Variants in LIMCH1 observed in about 807,000 individuals in gnomAD.
LIMCH1 encodes the protein LIM and calponin homology domains 1.
Under a neutral mutation model 176.5 loss-of-function variants are expected in LIMCH1, and 113 were observed. The observed-to-expected ratio is 0.64, with a 90% confidence interval of 0.55 to 0.75. The LOEUF (loss-of-function observed/expected upper bound fraction) is 0.75. Among genes scored for constraint, LIMCH1 ranks in the 30% least tolerant of loss-of-function variants. LIMCH1 has a pLI of 0.00. For synonymous variants in LIMCH1, 619 were observed against 645.9 expected (o/e 0.96, Z 0.63); for missense variants, 1,674 against 1,814.9 (o/e 0.92, Z 1.41).
chr4:41,439,520 G>A (rs187707157), intron 1 of LIMCH1, among the ~76,000 whole-genome samples: 9 of 152,214 alleles, frequency 5.9e-5, no homozygotes, highest in Non-Finnish European at 1.3e-4. Context: ...GGAGGTCAAG[G>A]CTGCAGTGAG....
intron 1 of LIMCH1, among the ~76,000 whole-genome samples, chr4:41,581,112 G>A (rs4414991): frequency 0.073 from 9,695 of 132,910 alleles, 964 homozygotes; most frequent in African/African-American, 0.29. Flanking sequence ...CTGTCTGTCT[G>A]TCTATCTATC....
At chr4:41,480,680 C>T (rs908921039) in intron 1 of LIMCH1, among the ~76,000 whole-genome samples, 3 of 152,224 alleles carry the variant, frequency 2.0e-5, no homozygotes, top group African/African-American at 7.2e-5. Flanking sequence ...GTGGTCAAAG[C>T]ACATCTCTGC....
At chr4:41,501,481 A>C (rs997408120) in intron 2 of LIMCH1, among the ~76,000 whole-genome samples, 4 of 152,244 alleles carry the variant, frequency 2.6e-5, no homozygotes, top group African/African-American at 9.6e-5. Context: ...TCAAGAATTG[A>C]TAAGCCTTGT....
intron 1 of LIMCH1, among the ~76,000 whole-genome samples, chr4:41,367,866 T>TAAAA (rs750045066): frequency 3.3e-5 from 3 of 90,926 alleles, no homozygotes; most frequent in Non-Finnish European, 6.9e-5. Context: ...GACTCCATCA[T>TAAAA]AAAAAAAAAA....
chr4:41,441,465 A>G (rs1053397768), intron 1 of LIMCH1, among the ~76,000 whole-genome samples: 1 of 152,026 alleles, frequency 6.6e-6, no homozygotes, highest in Non-Finnish European at 1.5e-5. Context: ...TCACTTTGGT[A>G]AAGACACCAT....
chr4:41,693,583 A>G (rs1197557367), intron 31 of LIMCH1, among the ~76,000 whole-genome samples: 1 of 150,270 alleles, frequency 6.7e-6, no homozygotes, highest in African/African-American at 2.4e-5. Context: ...ATAGTATACC[A>G]TATATCATAA....
intron 1 of LIMCH1, among the ~76,000 whole-genome samples, chr4:41,449,785 A>G (rs1244954040): frequency 1.3e-5 from 2 of 152,196 alleles, no homozygotes; most frequent in East Asian, 3.9e-4. Flanking sequence ...ACTACCACCA[A>G]GTGGGTGGCT....
chr4:41,390,269 A>C lies in LIMCH1; in HGVS notation c.96+29333A>C, dbSNP rs570179251. Reference sequence around the variant, plus strand: ...GAGAGAGAGAGAGAGAGAGAGAGAGAGAGAGCGAGAGCGCTCCTCATGCTG... The same window carrying C: ...GAGAGAGAGAGAGAGAGAGAGAGAGCGAGAGCGAGAGCGCTCCTCATGCTG... On this transcript the variant is annotated intron_variant, in intron 1 of 26. Transcript: ENST00000313860. 1.9e-4 allele frequency among the ~76,000 whole-genome samples: 28 copies of C among 150,416 alleles called. No individual in the cohort carries two copies. In the East Asian group the frequency reaches 2.5e-3, roughly 14 times the overall value.
intron 21 of LIMCH1, among the ~76,000 whole-genome samples, chr4:41,667,897 C>T (rs535534186): frequency 2.6e-5 from 4 of 151,184 alleles, no homozygotes; most frequent in African/African-American, 4.9e-5. Context: ...TTTGGGAGGC[C>T]GAGGCAGGAG....
At chr4:41,501,857 CTTTTT>C (rs71198662) in intron 2 of LIMCH1, among the ~76,000 whole-genome samples, 1,110 of 74,972 alleles carry the variant, frequency 0.015, 23 homozygotes, top group African/African-American at 0.052. Context: ...GTGTAGAATC[CTTTTT>C]TTTTTTTTTT....
intron 12 of LIMCH1, among the ~76,000 whole-genome samples, 191 bp downstream of exon 12, chr4:41,633,276 T>C (rs2093420220): frequency 1.3e-5 from 2 of 152,180 alleles, no homozygotes; most frequent in South Asian, 4.1e-4. Context: ...TGGGTAGATA[T>C]TTTAGCCTTT....
chr4:41,481,239 C>T (rs1582897733), intron 1 of LIMCH1, among the ~76,000 whole-genome samples: 1 of 152,148 alleles, frequency 6.6e-6, no homozygotes, highest in African/African-American at 2.4e-5. Context: ...CCAACACAAA[C>T]TGAATAGATA....
In LIMCH1 at chr4:41,538,329, C is replaced by G; in HGVS notation, c.-262C>G. The G allele has an allele frequency of 1.0e-6, 1 of 985,214 alleles. No individual in the cohort carries two copies. The highest frequency in any genetic ancestry group is 1.2e-6 in the Non-Finnish European group (1 of 829,894). 61.0% of individuals were successfully genotyped at this position (985,214 alleles called of 1,614,324 possible). ...AGAGTGGGTTGGCTGGAGTTCATTG[C>G]GGAGCATGAGGACGTGTGGGGGTAA... is the stretch of plus-strand genomic sequence containing the variant. On this transcript the variant is annotated 5_prime_UTR_variant, in exon 1 of 32. Transcript: ENST00000503057.
chr4:41,404,408 G>T (rs1230497940), intron 1 of LIMCH1, among the ~76,000 whole-genome samples: 1 of 152,144 alleles, frequency 6.6e-6, no homozygotes, highest in Non-Finnish European at 1.5e-5. Flanking sequence ...AGTGATATCA[G>T]TAAAGGATTA....
At chr4:41,484,671 G>T (rs2069208965) in intron 1 of LIMCH1, among the ~76,000 whole-genome samples, 1 of 152,156 alleles carries the variant, frequency 6.6e-6, no homozygotes, top group African/African-American at 2.4e-5. Context: ...TGAAAAGTGT[G>T]CCTGCTTTTG....
At position 41,546,215 on chromosome 4, in the gene LIMCH1, T is replaced by C. The variant is rs1046179361; in HGVS notation, c.-241+7865T>C. Among the ~76,000 whole-genome samples, 5 of 152,226 alleles carry C rather than the reference T, an allele frequency of 3.3e-5. No homozygotes were observed. The South Asian group carries it at 1.0e-3, about 32-fold the overall frequency. ...GTGCAGTGGTGTGATCTCAGCTCAC[T>C]GCAACCTCCACCTCCCTGGTTCAAG... On this transcript the variant is annotated intron_variant, in intron 1 of 31. Transcript: ENST00000503057.
intron 2 of LIMCH1, among the ~76,000 whole-genome samples, chr4:41,504,475 C>T (rs949726167): frequency 2.0e-5 from 3 of 152,236 alleles, no homozygotes; most frequent in African/African-American, 4.8e-5. Context: ...CCACTCATTG[C>T]AGATAATTCA....
intron 18 of LIMCH1, among the ~76,000 whole-genome samples, chr4:41,651,432 G>C (rs761331007): frequency 1.3e-5 from 2 of 152,124 alleles, no homozygotes; most frequent in South Asian, 2.1e-4. Flanking sequence ...GAGTAGTAAG[G>C]GTTAGGACTT....
At chr4:41,428,357 A>G (rs2061306244) in intron 1 of LIMCH1, among the ~76,000 whole-genome samples, 1 of 152,252 alleles carries the variant, frequency 6.6e-6, no homozygotes, top group Non-Finnish European at 1.5e-5. Context: ...ATAAGTTAAT[A>G]TCTCTAAAGC....
Sources: allele counts gnomAD v4.1 joint callset (sites outside exome capture counted in the v4.1 genomes callset), GRCh38; gene constraint gnomAD v4.1.1; transcripts MANE v1.5; gene names NCBI Gene and HGNC (gene_info 2026-07-23, HGNC 2026-07-21).